Variants in NAV1 observed in about 807,000 individuals in gnomAD.
The protein encoded by NAV1 is neuron navigator 1.
Under a neutral mutation model 175.2 loss-of-function variants are expected in NAV1, and 18 were observed. That is an observed-to-expected ratio of 0.10 (90% CI 0.07 to 0.15). The LOEUF (loss-of-function observed/expected upper bound fraction) is 0.15. NAV1 is among the 10% of genes least tolerant of loss of function. NAV1 has a pLI of 1.00. For synonymous variants in NAV1, 897 were observed against 978.7 expected, an observed-to-expected ratio of 0.92 and a Z score of 1.56; for missense variants, 1,731 against 2,436.6, an observed-to-expected ratio of 0.71 and a Z score of 6.10.
intron 3 of NAV1, among the ~76,000 whole-genome samples, chr1:201,721,239 T>G (rs1334971913): frequency 2.0e-5 from 3 of 152,258 alleles, no homozygotes; most frequent in Admixed American, 2.0e-4. Context: ...GATGCTAGTT[T>G]ACAAGATCAT....
At chr1:201,704,627 A>G (rs1671588963) in intron 1 of NAV1, among the ~76,000 whole-genome samples, 1 of 152,238 alleles carries the variant, frequency 6.6e-6, no homozygotes, top group Admixed American at 6.5e-5. Flanking sequence ...TGGACATCCA[A>G]TACTGGTGGT....
At chr1:201,651,122 C>CGTGTGTGTGTGT (rs60462710) in intron 1 of NAV1, among the ~76,000 whole-genome samples, 12,595 of 128,986 alleles carry the variant, frequency 0.098, 990 homozygotes, top group South Asian at 0.13. Flanking sequence ...AGGAAGGGAC[C>CGTGTGTGTGTGT]GTGTGTGTGT....
chr1:201,632,070 G>A (rs1174630825), intron 2 of NAV1, among the ~76,000 whole-genome samples: 1 of 152,070 alleles, frequency 6.6e-6, no homozygotes, highest in Non-Finnish European at 1.5e-5. Flanking sequence ...CTTTCCCAAT[G>A]TGCTTCTCTC....
chr1:201,621,081 G>A (rs555679570), upstream of NAV1, among the ~76,000 whole-genome samples: 9 of 151,698 alleles, frequency 5.9e-5, no homozygotes, highest in Non-Finnish European at 7.4e-5. Context: ...TACCATGCCC[G>A]GCTAATTTTG....
rs114162592 is a variant in NAV1 at position 201,617,738 on chromosome 1, C to T, written c.-32-5115C>T. ...TCAAGAACAAATAAAATGAAAGAGA[C>T]GTAGATTGTCCTGCTTCTCAGACAC... On this transcript the variant is annotated intron_variant, in intron 2 of 33. Coordinates refer to the NAV1 transcript ENST00000685211. 5.5e-3 allele frequency among the ~76,000 whole-genome samples: 840 copies of T among 152,228 alleles called. 4 individuals carry two copies. Among genetic ancestry groups the T allele is most frequent in the African/African-American group, 0.019 (798 of 41,542 alleles).
intron 2 of NAV1, among the ~76,000 whole-genome samples, chr1:201,637,858 C>G (rs1333731824): frequency 6.6e-6 from 1 of 152,186 alleles, no homozygotes; most frequent in Non-Finnish European, 1.5e-5. Context: ...CTGGGTGGTG[C>G]AGAGCTCTGC....
intron 1 of NAV1, among the ~76,000 whole-genome samples, chr1:201,575,975 A>G (rs925777475): frequency 2.0e-5 from 3 of 152,168 alleles, no homozygotes; most frequent in Admixed American, 1.3e-4. Flanking sequence ...TTTGCATGCA[A>G]TTGTAAGAAA....
intron 3 of NAV1, among the ~76,000 whole-genome samples, chr1:201,720,865 G>C (rs1672352484): frequency 6.6e-6 from 1 of 151,966 alleles, no homozygotes; most frequent in Non-Finnish European, 1.5e-5. Flanking sequence ...TCAGGGGTGT[G>C]TAGTCTGACC....
Position 201,812,840 on chromosome 1 carries a change from A to C in NAV1, c.5221+179A>C, listed in dbSNP as rs1339202939. On this transcript the variant is annotated intron_variant, in intron 27 of 29. Transcript: ENST00000367296. This position sits in a 1 kb window ranked among gnomAD's most constrained non-coding sequence, Gnocchi z 4.6. The stretch of plus-strand genomic sequence containing the variant: ...TCCCAACACAGTTAGCACCACTTCA[A>C]TCACCAGAAAGCTAACCCCTCTCCT... Among the ~76,000 whole-genome samples the C allele has an allele frequency of 6.6e-6, 1 of 152,174 alleles. No homozygotes were observed. Among genetic ancestry groups the C allele is most frequent in the East Asian group, 1.9e-4 (1 of 5,196 alleles).
Position 201,576,905 on chromosome 1 carries a change from C to T in NAV1, c.-143-11634C>T, listed in dbSNP as rs114344457. On this transcript the variant is annotated intron_variant, in intron 1 of 33. Transcript: ENST00000685211. ...GCTAATGATTTTGAATTTCTTTTCA[C>T]GTGCTTATTTAGACATCTCTTTGGT... 5.4e-3 allele frequency among the ~76,000 whole-genome samples: 828 copies of T among 152,248 alleles called. 14 individuals are homozygous for T. The highest frequency in any genetic ancestry group is 0.019 in the African/African-American group (789 of 41,554).
chr1:201,712,977 T>C (rs1169194751), intron 2 of NAV1, 58 bp downstream of exon 6: 3 of 1,371,874 alleles, frequency 2.2e-6, no homozygotes, highest in Non-Finnish European at 3.1e-6. Context: ...TCCACCCCAT[T>C]CTGGAGGGCA....
chr1:201,621,573 C>T (rs1249988134), upstream of NAV1, among the ~76,000 whole-genome samples: 2 of 152,008 alleles, frequency 1.3e-5, no homozygotes, highest in Non-Finnish European at 2.9e-5. Context: ...TTCAGGTGAT[C>T]CACCTGCCTC....
In NAV1 at chr1:201,818,131, G is replaced by T. The variant is rs576673337; in HGVS notation, c.5538+846G>T. 3.9e-5 allele frequency among the ~76,000 whole-genome samples: 6 copies of T among 152,318 alleles called. No individual in the cohort carries two copies. In the East Asian group the frequency reaches 9.6e-4, roughly 24 times the overall value. ...TACAGTCACAACTACTCAGGAGGCT[G>T]AGGTGGGAGATTGCTTGAGCCTGGG... On this transcript the variant is annotated intron_variant, in intron 29 of 29. Transcript: ENST00000367296.
intron 5 of NAV1, among the ~76,000 whole-genome samples, chr1:201,781,603 C>T (rs1369681175): frequency 6.6e-6 from 1 of 152,144 alleles, no homozygotes; most frequent in African/African-American, 2.4e-5. Context: ...AGTTTGGCCT[C>T]CTTCCAAACA....
intron 1 of NAV1, among the ~76,000 whole-genome samples, chr1:201,677,996 T>C (rs1670319776): frequency 6.6e-6 from 1 of 152,114 alleles, no homozygotes; most frequent in South Asian, 2.1e-4. Flanking sequence ...TCCTATTCTG[T>C]CCAATGTCCC....
chr1:201,670,556 G>A (rs1169315287), intron 1 of NAV1, among the ~76,000 whole-genome samples: 1 of 150,694 alleles, frequency 6.6e-6, no homozygotes, highest in Non-Finnish European at 1.5e-5. Flanking sequence ...TGATGGTGAT[G>A]GTGGTAGAGA....
At chr1:201,793,502 T>A in intron 13 of NAV1, 1 of 382,264 alleles carries the variant, frequency 2.6e-6, no homozygotes, top group Non-Finnish European at 4.9e-6. Flanking sequence ...GGGATAGTCC[T>A]ACCTCTGGTA....
intron 1 of NAV1, among the ~76,000 whole-genome samples, chr1:201,624,897 G>A (rs888659792): frequency 8.5e-5 from 13 of 152,148 alleles, no homozygotes; most frequent in African/African-American, 1.9e-4. Flanking sequence ...GCATCAGAGC[G>A]GCTGGAGGTG....
intron 1 of NAV1, among the ~76,000 whole-genome samples, chr1:201,693,592 A>T (rs1456010734): frequency 6.6e-6 from 1 of 152,016 alleles, no homozygotes; most frequent in Non-Finnish European, 1.5e-5. Flanking sequence ...AATGTTCCAG[A>T]GCTTGAAGGG....
Sources: gnomAD v4.1 joint callset for allele counts (sites outside exome capture counted in the v4.1 genomes callset) on GRCh38, gnomAD v4.1.1 for gene constraint, Gnocchi (gnomAD v3.1) non-coding constraint, MANE v1.5 for transcripts, NCBI Gene and HGNC (gene_info 2026-07-23, HGNC 2026-07-21) for gene names.